TNNT3: variants seen among roughly 807,000 people sequenced by gnomAD.
The protein encoded by TNNT3 is troponin T3, fast skeletal type.
Under a neutral mutation model 54.2 loss-of-function variants are expected in TNNT3, and 36 were observed. That is an observed-to-expected ratio of 0.66 (90% confidence interval 0.51 to 0.88). The LOEUF is 0.88. TNNT3 is among the 40% of genes least tolerant of loss of function. TNNT3 has a pLI of 0.00. For missense variants in TNNT3, 291 were observed against 331.6 expected (o/e 0.88, Z 0.95); for synonymous variants, 120 against 109.7 (o/e 1.09, Z -0.59).
intron 2 of TNNT3, 53 bp from the exon 3 acceptor site, chr11:1,922,995 C>T (rs1165022085): frequency 1.2e-6 from 2 of 1,613,422 alleles, no homozygotes; most frequent in African/African-American, 2.7e-5. Context: ...CCAAGCAAAG[C>T]CCAGCCTCAC....
chr11:1,934,738 C>A, intron 13 of TNNT3, 83 bp downstream of exon 13: 1 of 1,594,876 alleles, frequency 6.3e-7, no homozygotes, highest in Non-Finnish European at 8.6e-7. Flanking sequence ...TGCCAAGGAC[C>A]GTGCTCCCCA....
In TNNT3 at chr11:1,932,517, A is replaced by C. The variant is rs1466766973; in HGVS notation, c.171+3A>C. The C allele has an allele frequency of 6.2e-7, 1 of 1,613,742 alleles. No homozygotes were observed. Among genetic ancestry groups the C allele is most frequent in the Non-Finnish European group, 8.5e-7 (1 of 1,179,848 alleles). On this transcript the variant is annotated splice_donor_region_variant and intron_variant, in intron 9 of 15. Transcript: ENST00000278317. Reference sequence around the variant, plus strand: ...AAGGGGAGAAAGTGGACTTCGATGTAAGTTTACAGGACTCTGGTTAACATG... The same window carrying C: ...AAGGGGAGAAAGTGGACTTCGATGTCAGTTTACAGGACTCTGGTTAACATG...
At chr11:1,936,260 T>C (rs1185657219) in intron 14 of TNNT3, 1 of 1,613,644 alleles carries the variant, frequency 6.2e-7, no homozygotes, top group East Asian at 2.2e-5. Context: ...AAGTTGTAAG[T>C]AGCCGGGTCC....
intron 5 of TNNT3, among the ~76,000 whole-genome samples, chr11:1,926,110 C>T (rs894416237): frequency 7.2e-5 from 11 of 152,280 alleles, no homozygotes; most frequent in South Asian, 2.1e-4. Flanking sequence ...CGGCCAGAGG[C>T]GCGGACACCC....
At chr11:1,928,836 C>T (rs1336621709) in intron 6 of TNNT3, 2 of 531,592 alleles carry the variant, frequency 3.8e-6, no homozygotes, top group Non-Finnish European at 6.9e-6. Context: ...CCCTTAGCCC[C>T]CCACCTTGCC....
In TNNT3 at chr11:1,937,172, C is replaced by T. The variant is rs113485132; in HGVS notation, c.722+169C>T. On this transcript the variant is annotated intron_variant, in intron 15 of 15. Transcript: ENST00000278317. ...GCATGCGCAGGCCTGTGGCCAGGGACCCGGAGCCTCCTCCCTCTCCTGCAC... is the reference window on the plus strand; with the variant it reads ...GCATGCGCAGGCCTGTGGCCAGGGATCCGGAGCCTCCTCCCTCTCCTGCAC... Among the ~76,000 whole-genome samples, 795 of 152,278 alleles carry T rather than the reference C, an allele frequency of 5.2e-3. 13 individuals carry two copies. The highest frequency in any genetic ancestry group is 0.018 in the African/African-American group (763 of 41,574).
intron 5 of TNNT3, chr11:1,925,438 A>G (rs1358581744): frequency 4.2e-5 from 32 of 754,358 alleles, no homozygotes; most frequent in Non-Finnish European, 5.0e-5. Flanking sequence ...ACCGCGGCCA[A>G]TGCTTGACCA....
intron 1 of TNNT3, among the ~76,000 whole-genome samples, chr11:1,921,122 G>C (rs1455555397): frequency 1.3e-5 from 2 of 152,206 alleles, no homozygotes; most frequent in Non-Finnish European, 2.9e-5. Flanking sequence ...GGGCCAAGGA[G>C]GGCTGGGCTG....
At chr11:1,936,108 AG>A in intron 14 of TNNT3, 1 of 1,315,830 alleles carries the variant, frequency 7.6e-7, no homozygotes. Flanking sequence ...GCGGGCCCCC[AG>A]GGGCTCCAGA....
At chr11:1,932,843 CCCATCCAT>C (rs71025793) in intron 9 of TNNT3, among the ~76,000 whole-genome samples, 17 of 142,492 alleles carry the variant, frequency 1.2e-4, no homozygotes, top group South Asian at 4.6e-4. Flanking sequence ...CACCCACCTA[CCCATCCAT>C]CCATCCATCC....
chr11:1,929,970 CCAG>C, intron 8 of TNNT3, 142 bp downstream of exon 8: 1 of 1,189,040 alleles, frequency 8.4e-7, no homozygotes, highest in Non-Finnish European at 1.2e-6. Flanking sequence ...CCTGGCAGGC[CCAG>C]CGCCTCGTGT....
At position 1,926,612 on chromosome 11, in the gene TNNT3, C is replaced by T. The variant is rs141666668; in HGVS notation, c.68-83C>T. 3.3e-4 allele frequency: 529 copies of T among 1,609,136 alleles called. 2 individuals are homozygous for T. In the Middle Eastern group the frequency reaches 5.1e-3, roughly 16 times the overall value. ...CTCGCTCCGCCGCCTCGGCCCTGCC[C>T]GCCCTCCTCTCTGCGCTGCCACCAC... On this transcript the variant is annotated intron_variant, in intron 5 of 15. Transcript: ENST00000278317.
chr11:1,926,619 C>G, intron 5 of TNNT3, 76 bp from the exon 6 acceptor site: 1 of 1,610,734 alleles, frequency 6.2e-7, no homozygotes, highest in Non-Finnish European at 8.5e-7. Context: ...GCCCGCCCTC[C>G]TCTCTGCGCT....
chr11:1,931,180 T>C (rs1285030137), intron 8 of TNNT3, among the ~76,000 whole-genome samples: 3 of 152,256 alleles, frequency 2.0e-5, no homozygotes, highest in Non-Finnish European at 4.4e-5. Context: ...GGACAAACCA[T>C]AATTTTCCTA....
At chr11:1,927,268 C>T (rs529845395) in intron 6 of TNNT3, among the ~76,000 whole-genome samples, 22 of 152,356 alleles carry the variant, frequency 1.4e-4, no homozygotes, top group Admixed American at 5.9e-4. Context: ...AGTCAGGTCC[C>T]AGCATCCCAC....
In TNNT3 at chr11:1,934,371, A is replaced by G. The variant is rs1467626810; in HGVS notation, c.406A>G (p.Arg136Gly). The part of the protein sequence containing the change: ...ARREEEDAKR[R>G]AEDDLKKKKA... ...AAGGGAGGAGGAGGATGCCAAGAGG[A>G]GGGCAGAGGACGACCTGAAGAAGAA... The change falls in exon 12 of 16, where the codon AGG becomes GGG. Residue 136 changes from arginine (R) to glycine (G), a missense_variant. By Grantham distance (125) the Arg-to-Gly change is moderately radical (BLOSUM62 -2). Coordinates refer to ENST00000278317, the MANE Select transcript of TNNT3 (RefSeq NM_006757.4). 26 of 1,613,826 alleles carry G rather than the reference A, an allele frequency of 1.6e-5. No homozygotes were observed. Among genetic ancestry groups the G allele is most frequent in the Non-Finnish European group, 2.2e-5 (26 of 1,180,046 alleles).
chr11:1,921,423 G>A (rs1850086889), intron 1 of TNNT3: 1 of 152,590 alleles, frequency 6.6e-6, no homozygotes, highest in Non-Finnish European at 1.5e-5. Context: ...GACAGCACGA[G>A]GGGCTGGTGG....
At chr11:1,922,792 C>A in intron 1 of TNNT3, 65 bp from the exon 2 acceptor site, 1 of 1,537,800 alleles carries the variant, frequency 6.5e-7, no homozygotes, top group Non-Finnish European at 8.9e-7. Context: ...CCATCCTACA[C>A]CCAGGCAGCT....
chr11:1,925,021 G>A, intron 4 of TNNT3, 78 bp from the exon 5 acceptor site: 1 of 1,560,824 alleles, frequency 6.4e-7, no homozygotes. Flanking sequence ...TGCGGCCTGA[G>A]TACACTCTGA....
Sources: gnomAD v4.1 joint callset for allele counts (sites outside exome capture counted in the v4.1 genomes callset) on GRCh38, gnomAD v4.1.1 for gene constraint, MANE v1.5 for transcripts, NCBI Gene and HGNC (gene_info 2026-07-23, HGNC 2026-07-21) for gene names.